The following RTN4R variants were observed in gnomAD, a reference collection of about 807,000 sequenced individuals.
The protein encoded by RTN4R is reticulon 4 receptor.
In RTN4R, 4 loss-of-function variants were observed where a neutral mutation model predicts 27.7. That is an observed-to-expected ratio of 0.14 (90% CI 0.07 to 0.33). The LOEUF (loss-of-function observed/expected upper bound fraction) is 0.33. RTN4R is among the 10% of genes least tolerant of loss of function. RTN4R has a pLI of 1.00. For missense variants in RTN4R, 554 were observed against 671.5 expected (o/e 0.83, Z 1.93); for synonymous variants, 290 against 305.6 (o/e 0.95, Z 0.53).
intron 1 of RTN4R, among the ~76,000 whole-genome samples, chr22:20,250,087 G>A (rs1005936652): frequency 6.6e-6 from 1 of 152,204 alleles, no homozygotes; most frequent in Non-Finnish European, 1.5e-5. Context: ...CAGGGGATGA[G>A]GAATCTAAGA....
intron 1 of RTN4R, among the ~76,000 whole-genome samples, chr22:20,251,871 C>T (rs1221119574): frequency 8.2e-5 from 4 of 48,636 alleles, no homozygotes; most frequent in African/African-American, 1.5e-4. Flanking sequence ...TCCTCATCAC[C>T]ATCATCACTA....
chr22:20,248,190 A>G (rs2051153578), intron 1 of RTN4R, among the ~76,000 whole-genome samples: 1 of 152,224 alleles, frequency 6.6e-6, no homozygotes, highest in Admixed American at 6.5e-5. Context: ...TGCTACTTAC[A>G]AGAAACATGC....
rs2051204995 is a variant in RTN4R at position 20,255,155 on chromosome 22, G to A, written c.23-12045C>T. ...AGGGGCAGATTGAGCCCATTCTCCA[G>A]ACCAGCCTCCGAGGCTGGGTGCAGG... On this transcript the variant is annotated intron_variant, in intron 1 of 1. Coordinates refer to ENST00000043402, the MANE Select transcript of RTN4R (RefSeq NM_023004.6). The surrounding 1 kb of genome is among the most constrained non-coding windows in gnomAD (Gnocchi z 4.8). 6.6e-6 allele frequency among the ~76,000 whole-genome samples: 1 copy of A among 152,246 alleles called. No homozygotes were observed. Among genetic ancestry groups the A allele is most frequent in the South Asian group, 2.1e-4 (1 of 4,832 alleles).
chr22:20,267,821 C>T (rs1156684256), intron 1 of RTN4R: 1 of 359,306 alleles, frequency 2.8e-6, no homozygotes, highest in Admixed American at 5.0e-5. Flanking sequence ...CCGCCACCCT[C>T]GGCCCTGCCG....
At chr22:20,256,970 G>A (rs367949470) in intron 1 of RTN4R, among the ~76,000 whole-genome samples, 31 of 152,354 alleles carry the variant, frequency 2.0e-4, no homozygotes, top group African/African-American at 4.6e-4. Flanking sequence ...CACTTAGCAG[G>A]CTTCTGTGTA....
At chr22:20,259,717 C>G (rs2051233685) in intron 1 of RTN4R, among the ~76,000 whole-genome samples, 1 of 152,178 alleles carries the variant, frequency 6.6e-6, no homozygotes, top group African/African-American at 2.4e-5. Flanking sequence ...AGCTCCTCTT[C>G]CAGACCTGGG....
intron 1 of RTN4R, chr22:20,267,745 C>CCGGGCCCCGCCCTTCCAGCCCA (rs1321817203): frequency 6.7e-5 from 28 of 416,578 alleles, no homozygotes; most frequent in Non-Finnish European, 1.2e-4. Flanking sequence ...CGCTCCGAGG[C>CCGGGCCCCGCCCTTCCAGCCCA]CGGGCCCCGC....
At chr22:20,244,239 G>A (rs2051127131) in intron 1 of RTN4R, among the ~76,000 whole-genome samples, 1 of 152,252 alleles carries the variant, frequency 6.6e-6, no homozygotes, top group African/African-American at 2.4e-5. Flanking sequence ...GGCCGGCTAA[G>A]TGCTGGGGTT....
chr22:20,245,043 G>T (rs1041783764), intron 1 of RTN4R, among the ~76,000 whole-genome samples: 3 of 152,168 alleles, frequency 2.0e-5, no homozygotes, highest in Admixed American at 6.5e-5. Context: ...CAGCTCACTC[G>T]CCTTGAACCG....
intron 1 of RTN4R, among the ~76,000 whole-genome samples, chr22:20,245,906 T>C (rs854971): frequency 0.64 from 97,485 of 152,014 alleles, 31,621 homozygotes; most frequent in African/African-American, 0.7. Context: ...AGAGAAACCA[T>C]GGATAGCGTG....
Position 20,242,504 on chromosome 22 carries a change from T to C in RTN4R, c.629A>G (p.His210Arg). The C allele has an allele frequency of 6.2e-7, 1 of 1,613,686 alleles. No individual in the cohort carries two copies. Among genetic ancestry groups the C allele is most frequent in the Non-Finnish European group, 8.5e-7 (1 of 1,179,972 alleles). Residue 210 changes from histidine to arginine, a missense_variant, in exon 2 of 2, where the codon CAC becomes CGC. By Grantham distance (29) the His-to-Arg change is conservative (BLOSUM62 0). Coordinates refer to ENST00000043402, the MANE Select transcript of RTN4R (RefSeq NM_023004.6). ...GTGCACATGGGCCACGCGGTTCTGG[T>C]GCAGTAGGAGACGGTCGAGGCTGTG... ...GLHSLDRLLL[H>R]QNRVAHVHPH...
At chr22:20,261,051 C>A (rs946512045) in intron 1 of RTN4R, among the ~76,000 whole-genome samples, 2 of 152,182 alleles carry the variant, frequency 1.3e-5, no homozygotes, top group Non-Finnish European at 2.9e-5. Flanking sequence ...GGATGTCCTA[C>A]GAGGACCCTC....
At chr22:20,261,640 G>A (rs1418046318) in intron 1 of RTN4R, among the ~76,000 whole-genome samples, 4 of 152,174 alleles carry the variant, frequency 2.6e-5, no homozygotes, top group Non-Finnish European at 5.9e-5. Context: ...GGGGTCTCCC[G>A]GAGCTGACCC....
At chr22:20,249,188 A>G in intron 1 of RTN4R, 1 of 534,302 alleles carries the variant, frequency 1.9e-6, no homozygotes, top group African/African-American at 1.9e-5. Flanking sequence ...CAGCAGCCAG[A>G]GCAAGCTGAG....
At position 20,242,605 on chromosome 22, in the gene RTN4R, G is replaced by A. The variant is rs1370988148; in HGVS notation, c.528C>T (p.Asp176=). ...LQALPDDTFR[D]LGNLTHLFLH... The stretch of plus-strand genomic sequence containing the variant: ...GGAAGAGGTGTGTGAGGTTGCCCAG[G>A]TCGCGGAAGGTGTCATCAGGCAGTG... The change falls in exon 2 of 2, where the codon GAC becomes GAT. Residue 176 remains aspartate (D), a synonymous_variant. Transcript: ENST00000043402. The A allele has an allele frequency of 6.2e-7, 1 of 1,613,124 alleles. No individual in the cohort carries two copies. The highest frequency in any genetic ancestry group is 1.1e-5 in the South Asian group (1 of 91,062).
rs2051206379 is a variant in RTN4R at position 20,255,406 on chromosome 22, G to GCTGGCAT, written c.23-12303_23-12297dup. The stretch of plus-strand genomic sequence containing the variant: ...CACCTGGACATACAGCCCCAGGGCA[G>GCTGGCAT]CTGGCATCTGGCCAGGGAGGATCCA... On this transcript the variant is annotated intron_variant, in intron 1 of 1. Coordinates refer to ENST00000043402, the MANE Select transcript of RTN4R (RefSeq NM_023004.6). This position sits in a 1 kb window ranked among gnomAD's most constrained non-coding sequence, Gnocchi z 4.8. Among the ~76,000 whole-genome samples the GCTGGCAT allele has an allele frequency of 6.6e-6, 1 of 152,178 alleles. No homozygotes were observed. Among genetic ancestry groups the GCTGGCAT allele is most frequent in the Non-Finnish European group, 1.5e-5 (1 of 68,028 alleles).
At chr22:20,264,135 G>A (rs1441764696) in intron 1 of RTN4R, among the ~76,000 whole-genome samples, 2 of 152,234 alleles carry the variant, frequency 1.3e-5, no homozygotes, top group Non-Finnish European at 2.9e-5. Flanking sequence ...GGTGCCAGCT[G>A]AGGACATGGT....
intron 1 of RTN4R, among the ~76,000 whole-genome samples, chr22:20,248,955 G>A (rs906594017): frequency 6.6e-6 from 1 of 152,046 alleles, no homozygotes. Context: ...CACCCTCCTC[G>A]GCTCCCACCC....
chr22:20,261,819 C>G (rs1037513763), intron 1 of RTN4R, among the ~76,000 whole-genome samples: 2 of 152,200 alleles, frequency 1.3e-5, no homozygotes, highest in Admixed American at 1.3e-4. Context: ...GACACAGGTG[C>G]CAGGCACTGG....
Sources: allele counts gnomAD v4.1 joint callset (sites outside exome capture counted in the v4.1 genomes callset), GRCh38; gene constraint gnomAD v4.1.1; non-coding constraint Gnocchi (gnomAD v3.1); transcripts MANE v1.5; gene names NCBI Gene and HGNC (gene_info 2026-07-23, HGNC 2026-07-21).